The following SCEL variants were observed in gnomAD, a reference collection of about 807,000 sequenced individuals.
The protein encoded by SCEL is sciellin.
A neutral mutation model predicts 117.6 loss-of-function variants in SCEL; 113 were observed. The ratio of observed to expected loss-of-function variants is 0.96; its 90% CI spans 0.83 to 1.12. The LOEUF is 1.12. SCEL is among the 50% of genes most tolerant of loss of function. The pLI is 0.00. For missense variants in SCEL, 785 were observed against 810.8 expected (o/e 0.97, Z 0.39); for synonymous variants, 270 against 256.2 (o/e 1.05, Z -0.51).
chr13:77,628,758 G>A (rs931721691), intron 28 of SCEL, among the ~76,000 whole-genome samples: 1 of 152,136 alleles, frequency 6.6e-6, no homozygotes, highest in African/African-American at 2.4e-5. Flanking sequence ...GAATGGAAAA[G>A]CTAGGAAAAG....
chr13:77,535,900 A>G (rs2083402271), intron 1 of SCEL, 76 bp downstream of exon 1: 1 of 152,244 alleles, frequency 6.6e-6, no homozygotes, highest in African/African-American at 2.4e-5. Context: ...CTTACAAATG[A>G]TTAAAATTAG....
intron 1 of SCEL, among the ~76,000 whole-genome samples, chr13:77,537,776 A>G (rs1278347448): frequency 1.3e-5 from 2 of 152,224 alleles, no homozygotes; most frequent in African/African-American, 4.8e-5. Flanking sequence ...TAAACAAAAC[A>G]AATTTTGAAT....
chr13:77,550,854 A>T (rs1336337400), intron 1 of SCEL, among the ~76,000 whole-genome samples: 2 of 152,160 alleles, frequency 1.3e-5, no homozygotes, highest in Non-Finnish European at 2.9e-5. Context: ...CATGTTTTTA[A>T]CCAAAGGAAT....
Position 77,598,326 on chromosome 13 carries a change from G to C in SCEL, c.797+737G>C, listed in dbSNP as rs191124731. Among the ~76,000 whole-genome samples, 169 of 152,318 alleles carry C rather than the reference G, an allele frequency of 1.1e-3. 1 individual carries two copies. The highest frequency in any genetic ancestry group is 6.8e-3 in the Middle Eastern group (2 of 294). On this transcript the variant is annotated intron_variant, in intron 13 of 32. Transcript: ENST00000349847. ...TAACCCACTAAACAGTGATCAAAGA[G>C]AAGGAGAAAACAGGGAAATGCCAAA...
At chr13:77,592,003 G>T (rs2086901303) in intron 11 of SCEL, among the ~76,000 whole-genome samples, 1 of 151,970 alleles carries the variant, frequency 6.6e-6, no homozygotes. Flanking sequence ...ATTTGTTCTG[G>T]ATGTGTCTTC....
Position 77,593,564 on chromosome 13 carries a change from G to C in SCEL, c.743G>C (p.Ser248Thr), listed in dbSNP as rs769798907. Reference protein sequence around the residue: ...IVKVATSLQRSDKGEELDNLI... With the variant: ...IVKVATSLQRTDKGEELDNLI... ...AAAGTGGCCACTTCACTTCAGAGAAGTGACAAAGGGTGAGATCTCAGAGCT... is the reference window on the plus strand; with the variant it reads ...AAAGTGGCCACTTCACTTCAGAGAACTGACAAAGGGTGAGATCTCAGAGCT... Residue 248 changes from serine to threonine, a missense_variant, in exon 12 of 33, where the codon AGT becomes ACT. Transcript: ENST00000349847. 4 of 1,612,530 alleles carry C rather than the reference G, an allele frequency of 2.5e-6. No homozygotes were observed. The South Asian group carries it at 4.4e-5, about 18-fold the overall frequency.
Position 77,568,323 on chromosome 13 carries a change from G to T in SCEL, c.388G>T (p.Val130Leu). Residue 130 changes from valine to leucine, a missense_variant, in exon 7 of 33, where the codon GTA (valine) becomes TTA (leucine). Val to Leu is a conservative substitution (Grantham distance 32, BLOSUM62 1). Transcript: ENST00000349847. Reference protein sequence around the residue: ...RSMSMFRSLEVTKLQPGGSLN... With the variant: ...RSMSMFRSLELTKLQPGGSLN... Reference sequence around the variant, plus strand: ...CATGTCCATGTTTAGATCACTGGAAGTAACAAAGTTGTATGTATTCTTTCT... The same window carrying T: ...CATGTCCATGTTTAGATCACTGGAATTAACAAAGTTGTATGTATTCTTTCT... 1 of 1,567,824 alleles carries T rather than the reference G, an allele frequency of 6.4e-7. No homozygotes were observed. Among genetic ancestry groups the T allele is most frequent in the Non-Finnish European group, 8.7e-7 (1 of 1,143,414 alleles).
At chr13:77,609,162 C>A in intron 21 of SCEL, 45 bp downstream of exon 21, 2 of 1,379,638 alleles carry the variant, frequency 1.4e-6, no homozygotes, top group Non-Finnish European at 2.0e-6. Context: ...GTAACCAATG[C>A]CTAAAAGTAT....
Position 77,578,731 on chromosome 13 carries a change from T to C in SCEL, c.545+6542T>C, listed in dbSNP as rs113449458. Reference sequence around the variant, plus strand: ...AATGTGGGAAGAAATAGGAGCAGAATAGGGAGTACCTAATTGGTCTTAAGC... The same window carrying C: ...AATGTGGGAAGAAATAGGAGCAGAACAGGGAGTACCTAATTGGTCTTAAGC... On this transcript the variant is annotated intron_variant, in intron 9 of 32. Transcript: ENST00000349847. 5.5e-3 allele frequency among the ~76,000 whole-genome samples: 832 copies of C among 152,296 alleles called. 13 individuals are homozygous for C. Among genetic ancestry groups the C allele is most frequent in the African/African-American group, 0.019 (790 of 41,558 alleles).
At chr13:77,557,665 G>A (rs2084738486) in intron 3 of SCEL, among the ~76,000 whole-genome samples, 1 of 152,166 alleles carries the variant, frequency 6.6e-6, no homozygotes, top group African/African-American at 2.4e-5. Context: ...TTTACCTCCA[G>A]CAGACATTTG....
At chr13:77,563,742 A>C (rs1297659492) in intron 4 of SCEL, 89 bp from the exon 5 acceptor site, 2 of 950,556 alleles carry the variant, frequency 2.1e-6, no homozygotes. Context: ...AAATAGGTCA[A>C]AATATTGCCA....
At chr13:77,631,220 T>TAAAGGCACTATGG (rs1425368660) in intron 28 of SCEL, among the ~76,000 whole-genome samples, 2 of 152,226 alleles carry the variant, frequency 1.3e-5, no homozygotes, top group East Asian at 1.9e-4. Flanking sequence ...TGGGCTGTTT[T>TAAAGGCACTATGG]GTTGGTTGCC....
intron 1 of SCEL, among the ~76,000 whole-genome samples, chr13:77,541,310 A>G (rs1375435678): frequency 1.3e-5 from 2 of 152,230 alleles, no homozygotes; most frequent in Non-Finnish European, 2.9e-5. Context: ...CACCTATTAT[A>G]TTATTAAAAA....
At chr13:77,628,190 AT>A in intron 28 of SCEL, among the ~76,000 whole-genome samples, 181 bp downstream of exon 28, 1 of 144,442 alleles carries the variant, frequency 6.9e-6, no homozygotes, top group Non-Finnish European at 1.5e-5. Context: ...ATATATATAT[AT>A]CATCCAAATA....
intron 20 of SCEL, among the ~76,000 whole-genome samples, 184 bp from the exon 21 acceptor site, chr13:77,608,874 G>T (rs2088429696): frequency 6.6e-6 from 1 of 152,066 alleles, no homozygotes; most frequent in Non-Finnish European, 1.5e-5. Context: ...CTACGTCAGT[G>T]TACCAGTGAT....
intron 9 of SCEL, among the ~76,000 whole-genome samples, chr13:77,581,600 G>A (rs1231709045): frequency 6.6e-6 from 1 of 152,176 alleles, no homozygotes; most frequent in Non-Finnish European, 1.5e-5. Flanking sequence ...TCAAAAGTAG[G>A]ATAAAGAAAG....
chr13:77,587,834 T>G (rs575453515), intron 9 of SCEL, among the ~76,000 whole-genome samples: 11 of 152,294 alleles, frequency 7.2e-5, no homozygotes, highest in Admixed American at 2.0e-4. Context: ...GCCCTCTTTT[T>G]GTCTCTACTT....
In SCEL at chr13:77,644,305, A is replaced by T; in HGVS notation, c.*31A>T. 3.7e-6 allele frequency: 6 copies of T among 1,609,148 alleles called. No homozygotes were observed. The highest frequency in any genetic ancestry group is 5.1e-6 in the Non-Finnish European group (6 of 1,175,802). ...GCACAAGGAAATCAAGATGAAAAGC[A>T]CTCATTAAGGAATTAAAGTTACAAG... On this transcript the variant is annotated 3_prime_UTR_variant, in exon 33 of 33. Coordinates refer to ENST00000349847, the MANE Select transcript of SCEL (RefSeq NM_144777.3).
At position 77,608,036 on chromosome 13, in the gene SCEL, A is replaced by G; in HGVS notation, c.1158-20A>G. ...TTGTTACGTGTTGTCAATCTTAACC[A>G]TTTCTTCAATGTTTTAAAGGGGCCA... On this transcript the variant is annotated intron_variant, in intron 19 of 32. Coordinates refer to ENST00000349847, the MANE Select transcript of SCEL (RefSeq NM_144777.3). 6.3e-7 allele frequency: 1 copy of G among 1,595,154 alleles called. No homozygotes were observed.
Sources: allele counts gnomAD v4.1 joint callset (sites outside exome capture counted in the v4.1 genomes callset), GRCh38; gene constraint gnomAD v4.1.1; transcripts MANE v1.5; gene names NCBI Gene and HGNC (gene_info 2026-07-23, HGNC 2026-07-21).